The following CDH4 variants were observed in gnomAD, a reference collection of about 807,000 sequenced individuals.
The protein encoded by CDH4 is cadherin-4.
In CDH4, 33 loss-of-function variants were observed where a neutral mutation model predicts 86.0. The ratio of observed to expected loss-of-function variants is 0.38; its 90% CI spans 0.29 to 0.51. The LOEUF is 0.51. Among genes scored for constraint, CDH4 ranks in the 20% least tolerant of loss-of-function variants. The probability of loss-of-function intolerance (pLI) is 0.86; values close to 1 mark genes in which losing one functional copy is unlikely to be tolerated. For missense variants in CDH4, 1,114 were observed against 1,307.4 expected (o/e 0.85, Z 2.28); for synonymous variants, 555 against 549.4 (o/e 1.01, Z -0.14).
chr20:61,331,630 G>GACCCGACCACCTC (rs1568801085), intron 2 of CDH4, among the ~76,000 whole-genome samples: 4 of 96,946 alleles, frequency 4.1e-5, no homozygotes, highest in South Asian at 3.1e-4. Flanking sequence ...CCCACCTCCT[G>GACCCGACCACCTC]CCCCAGACCC....
At chr20:61,411,791 C>T (rs540355359) in intron 2 of CDH4, among the ~76,000 whole-genome samples, 2 of 152,290 alleles carry the variant, frequency 1.3e-5, no homozygotes, top group East Asian at 3.9e-4. Flanking sequence ...GTGGGCCGAT[C>T]AGAGTGGGCA....
intron 2 of CDH4, among the ~76,000 whole-genome samples, chr20:61,702,599 T>C (rs998827893): frequency 1.3e-5 from 2 of 152,190 alleles, no homozygotes; most frequent in Admixed American, 1.3e-4. Context: ...GCCGTCAAAG[T>C]TGAAGCAAGG....
At chr20:61,485,708 G>C (rs2085592644) in intron 2 of CDH4, among the ~76,000 whole-genome samples, 1 of 152,364 alleles carries the variant, frequency 6.6e-6, no homozygotes, top group African/African-American at 2.4e-5. Flanking sequence ...ACTGCAGGGT[G>C]AATCAGCCCT....
chr20:61,312,540 C>T (rs1197395888), intron 2 of CDH4, among the ~76,000 whole-genome samples: 2 of 152,066 alleles, frequency 1.3e-5, no homozygotes, highest in African/African-American at 4.8e-5. Context: ...TTGGGGACCC[C>T]TTGCCCCTGC....
intron 2 of CDH4, among the ~76,000 whole-genome samples, chr20:61,605,514 T>A (rs1045412607): frequency 1.3e-5 from 2 of 151,856 alleles, no homozygotes; most frequent in African/African-American, 4.8e-5. Context: ...TCTCCCTTTC[T>A]GTCTCTCCCT....
intron 2 of CDH4, among the ~76,000 whole-genome samples, chr20:61,648,852 C>G (rs1232461295): frequency 6.6e-6 from 1 of 152,166 alleles, no homozygotes; most frequent in Non-Finnish European, 1.5e-5. Flanking sequence ...GTGTCTGGCA[C>G]TGCGATTGCT....
intron 2 of CDH4, among the ~76,000 whole-genome samples, chr20:61,711,918 C>T (rs1305997056): frequency 2.0e-5 from 3 of 152,104 alleles, no homozygotes; most frequent in African/African-American, 7.2e-5. Context: ...GTGCAAGTGT[C>T]CTGGGGTGTC....
At chr20:61,611,043 G>A (rs1243289831) in intron 2 of CDH4, among the ~76,000 whole-genome samples, 1 of 152,012 alleles carries the variant, frequency 6.6e-6, no homozygotes, top group East Asian at 1.9e-4. Flanking sequence ...AAAGCAAGAG[G>A]GGCTGCAGCT....
chr20:61,691,043 T>C lies in CDH4; in HGVS notation c.170-52520T>C, dbSNP rs192420944. Among the ~76,000 whole-genome samples the C allele has an allele frequency of 8.9e-4, 135 of 152,288 alleles. 1 individual carries two copies. Among genetic ancestry groups the C allele is most frequent in the Middle Eastern group, 6.8e-3 (2 of 294 alleles). On this transcript the variant is annotated intron_variant, in intron 2 of 15. Transcript: ENST00000614565. ...AATGATTTTAGCATTTGGTACCTTT[T>C]CCTTTTCCTTCTGAGAGTGATGCCA...
chr20:61,316,357 G>T (rs955460048), intron 2 of CDH4, among the ~76,000 whole-genome samples: 3 of 152,256 alleles, frequency 2.0e-5, no homozygotes, highest in Non-Finnish European at 4.4e-5. Flanking sequence ...CCGCCGCGCT[G>T]ACCTAAGTCG....
intron 7 of CDH4, among the ~76,000 whole-genome samples, chr20:61,883,277 T>C (rs1472699046): frequency 6.6e-6 from 1 of 152,180 alleles, no homozygotes; most frequent in Non-Finnish European, 1.5e-5. Context: ...CTGTGTTTTC[T>C]ACACGGCCTC....
At chr20:61,594,731 G>A (rs937276105) in intron 2 of CDH4, among the ~76,000 whole-genome samples, 3 of 152,196 alleles carry the variant, frequency 2.0e-5, no homozygotes, top group Non-Finnish European at 2.9e-5. Flanking sequence ...CAGTGAAGAC[G>A]CCGCCGTGTC....
chr20:61,921,195 T>TGAC (rs1399628400), intron 9 of CDH4, among the ~76,000 whole-genome samples: 1 of 135,092 alleles, frequency 7.4e-6, no homozygotes, highest in African/African-American at 3.5e-5. Context: ...GGAAGCGTGG[T>TGAC]GTCGTGATTG....
At chr20:61,834,527 A>G (rs1981777551) in intron 4 of CDH4, among the ~76,000 whole-genome samples, 1 of 152,182 alleles carries the variant, frequency 6.6e-6, no homozygotes, top group South Asian at 2.1e-4. Context: ...AGGAAAGTAG[A>G]CGCTGTGTGA....
intron 2 of CDH4, among the ~76,000 whole-genome samples, chr20:61,390,489 T>C (rs2084977145): frequency 6.9e-6 from 1 of 145,956 alleles, no homozygotes; most frequent in Admixed American, 6.8e-5. Flanking sequence ...AGGGTGCCCA[T>C]AGTGCCGTGT....
intron 2 of CDH4, among the ~76,000 whole-genome samples, chr20:61,261,616 C>T (rs2123121536): frequency 6.6e-6 from 1 of 152,284 alleles, no homozygotes; most frequent in South Asian, 2.1e-4. Flanking sequence ...GCTCTGTTTT[C>T]CCTCTTTGTG....
At chr20:61,325,151 G>A (rs1201052420) in intron 2 of CDH4, among the ~76,000 whole-genome samples, 2 of 151,918 alleles carry the variant, frequency 1.3e-5, no homozygotes, top group African/African-American at 4.8e-5. Context: ...CTGACGCACA[G>A]CCAGCCATCT....
chr20:61,672,612 C>T (rs6089464), intron 2 of CDH4, among the ~76,000 whole-genome samples: 84,845 of 151,490 alleles, frequency 0.56, 23,893 homozygotes, highest in South Asian at 0.58. Flanking sequence ...GTCAGGACAA[C>T]ACCTGAGACC....
intron 7 of CDH4, among the ~76,000 whole-genome samples, chr20:61,878,244 C>T (rs1178682882): frequency 2.6e-5 from 4 of 152,212 alleles, no homozygotes; most frequent in African/African-American, 4.8e-5. Context: ...CCTTTCAAAC[C>T]GAGCCCAAGC....
Sources: gnomAD v4.1 joint callset for allele counts (sites outside exome capture counted in the v4.1 genomes callset) on GRCh38, gnomAD v4.1.1 for gene constraint, MANE v1.5 for transcripts, NCBI Gene and HGNC (gene_info 2026-07-23, HGNC 2026-07-21) for gene names.